The following TMEM181 variants were observed in gnomAD, a reference collection of about 807,000 sequenced individuals.
TMEM181 encodes the protein G protein-coupled receptor 178.
A neutral mutation model predicts 71.9 loss-of-function variants in TMEM181; 39 were observed. The observed-to-expected ratio is 0.54, with a 90% confidence interval of 0.42 to 0.71. TMEM181 has a LOEUF of 0.71. TMEM181 is among the 30% of genes least tolerant of loss of function. The pLI is 0.00. For missense variants in TMEM181, 595 were observed against 583.0 expected (o/e 1.02, Z -0.21); for synonymous variants, 245 against 228.8 (o/e 1.07, Z -0.64).
intron 10 of TMEM181, chr6:158,621,532 C>A: frequency 5.3e-6 from 1 of 187,978 alleles, no homozygotes. Flanking sequence ...AGCTGGCCAG[C>A]TGAGGGGGCC....
intron 9 of TMEM181, 27 bp downstream of exon 9, chr6:158,608,490 G>T: frequency 6.2e-7 from 1 of 1,614,050 alleles, no homozygotes; most frequent in African/African-American, 1.3e-5. Flanking sequence ...CTCACTGCCG[G>T]GGGAGGTTCC....
intron 1 of TMEM181, among the ~76,000 whole-genome samples, chr6:158,566,977 A>G (rs981372442): frequency 1.3e-5 from 2 of 152,298 alleles, no homozygotes; most frequent in Admixed American, 6.5e-5. Flanking sequence ...TTTCTAGGAA[A>G]CACATCTGTG....
intron 13 of TMEM181, chr6:158,626,290 T>C (rs1416712490): frequency 1.4e-5 from 6 of 424,452 alleles, no homozygotes; most frequent in Middle Eastern, 3.4e-4. Context: ...TGCTGGCCAG[T>C]TGGTAGAGGA....
intron 10 of TMEM181, among the ~76,000 whole-genome samples, chr6:158,612,153 T>G (rs762055574): frequency 4.6e-5 from 7 of 152,142 alleles, no homozygotes; most frequent in Non-Finnish European, 8.8e-5. Context: ...TGCCCAGCTG[T>G]GCCCAGCTGT....
chr6:158,585,306 A>G lies in TMEM181; in HGVS notation c.262A>G (p.Thr88Ala). 1.9e-6 allele frequency: 3 copies of G among 1,596,816 alleles called. No homozygotes were observed. Among genetic ancestry groups the G allele is most frequent in the Non-Finnish European group, 2.6e-6 (3 of 1,173,690 alleles). Residue 88 changes from threonine to alanine, a missense_variant and splice_region_variant, in exon 5 of 17, where the codon ACT becomes GCT. By Grantham distance (58) the Thr-to-Ala change is moderately conservative. Transcript: ENST00000684151. ...CACTGAATTTTTTTCTTTTGTAGAA[A>G]CTTCTATTAAGACAAGCTTTCCCAT... ...CVVELDQSKE[T>A]SIKTSFPMTV...
At chr6:158,605,978 A>G (rs750310434) in intron 7 of TMEM181, among the ~76,000 whole-genome samples, 17 of 152,340 alleles carry the variant, frequency 1.1e-4, no homozygotes, top group Admixed American at 3.3e-4. Context: ...TTCTGCCTGC[A>G]TCAGCTGCTT....
chr6:158,548,699 G>A lies in TMEM181; in HGVS notation c.131+11834G>A, dbSNP rs115996352. The stretch of plus-strand genomic sequence containing the variant: ...GCCAGCAAGCCCAGGGCAGTCATTT[G>A]TTCAACACACAGGGGCTTGGTGTCT... On this transcript the variant is annotated intron_variant, in intron 1 of 16. Transcript: ENST00000367090. 4.3e-3 allele frequency among the ~76,000 whole-genome samples: 650 copies of A among 152,336 alleles called. 9 individuals carry two copies. The highest frequency in any genetic ancestry group is 0.015 in the African/African-American group (623 of 41,576).
chr6:158,614,877 C>T (rs1373073294), intron 10 of TMEM181, among the ~76,000 whole-genome samples: 3 of 152,142 alleles, frequency 2.0e-5, no homozygotes, highest in African/African-American at 4.8e-5. Flanking sequence ...TTTCTTAATC[C>T]AGTCTATCAT....
rs1426744052 is a variant in TMEM181 at position 158,620,782 on chromosome 6, G to A, written c.897-2768G>A. On this transcript the variant is annotated intron_variant, in intron 10 of 16. Coordinates refer to ENST00000684151, the MANE Select transcript of TMEM181 (RefSeq NM_001376852.1). This position sits in a 1 kb window ranked among gnomAD's most constrained non-coding sequence, Gnocchi z 4.5. ...GCCGCTGCCCACTGCTTCCTGGGTT[G>A]CAAGAGAGCCTCTGTCCCCAACATC... is the stretch of plus-strand genomic sequence containing the variant. 2.0e-5 allele frequency among the ~76,000 whole-genome samples: 3 copies of A among 152,230 alleles called. No homozygotes were observed. The highest frequency in any genetic ancestry group is 4.4e-5 in the Non-Finnish European group (3 of 68,036).
intron 6 of TMEM181, among the ~76,000 whole-genome samples, chr6:158,594,388 T>C (rs1784283444): frequency 6.6e-6 from 1 of 152,100 alleles, no homozygotes; most frequent in African/African-American, 2.4e-5. Flanking sequence ...CGTGAGCCAC[T>C]GTGCCAGGCC....
chr6:158,581,092 CCCTTG>C, intron 3 of TMEM181, 97 bp downstream of exon 3: 3 of 1,206,436 alleles, frequency 2.5e-6, no homozygotes, highest in Admixed American at 2.0e-5. Context: ...AGGTAGCCTT[CCCTTG>C]CCTTGCGGCT....
At chr6:158,590,023 A>G (rs959041941) in intron 6 of TMEM181, among the ~76,000 whole-genome samples, 1 of 152,202 alleles carries the variant, frequency 6.6e-6, no homozygotes, top group Non-Finnish European at 1.5e-5. Flanking sequence ...GAGAGTATAT[A>G]GTGTGTTCAG....
rs541262720 is a variant in TMEM181, at chr6:158,536,918, C to T, written c.131+53C>T. The stretch of plus-strand genomic sequence containing the variant: ...CGGCCGGAGGCTTCCGGGCCGCAGT[C>T]CCCTCCGGGACCCCGGCGCGCCCCG... On this transcript the variant is annotated intron_variant, in intron 1 of 16. Transcript: ENST00000367090. The T allele has an allele frequency of 7.3e-6, 9 of 1,236,464 alleles. No individual in the cohort carries two copies. The East Asian group carries it at 1.2e-4, about 17-fold the overall frequency. 76.6% of individuals were successfully genotyped at this position (1,236,464 alleles called of 1,614,324 possible).
chr6:158,559,956 C>A, upstream of TMEM181: 1 of 700,128 alleles, frequency 1.4e-6, no homozygotes, highest in Non-Finnish European at 1.7e-6. Context: ...GGCCGTGGGG[C>A]TCCGCCCCGG....
At chr6:158,561,097 G>T (rs1321281303) in intron 1 of TMEM181, among the ~76,000 whole-genome samples, 1 of 152,196 alleles carries the variant, frequency 6.6e-6, no homozygotes, top group Non-Finnish European at 1.5e-5. Flanking sequence ...CCTCCGAGGG[G>T]CCTGGGCGCG....
rs189082337 is a variant in TMEM181 at position 158,599,441 on chromosome 6, A to G, written c.493-5826A>G. ...CTTGACGCAAAAGCTTGAGTGCCGA[A>G]TGACAGTGCTTCAGATTTCAAAAGG... On this transcript the variant is annotated intron_variant, in intron 6 of 16. Coordinates refer to ENST00000684151, the MANE Select transcript of TMEM181 (RefSeq NM_001376852.1). Among the ~76,000 whole-genome samples, 8 of 152,384 alleles carry G rather than the reference A, an allele frequency of 5.2e-5. No homozygotes were observed. In the East Asian group the frequency reaches 1.5e-3, roughly 29 times the overall value.
At chr6:158,583,906 A>T in intron 3 of TMEM181, 48 bp from the exon 4 acceptor site, 1 of 1,411,758 alleles carries the variant, frequency 7.1e-7, no homozygotes. Context: ...GGTATTTGGT[A>T]GACTCAATGA....
At chr6:158,551,150 C>T (rs958688553) in intron 1 of TMEM181, among the ~76,000 whole-genome samples, 5 of 151,832 alleles carry the variant, frequency 3.3e-5, no homozygotes, top group African/African-American at 4.8e-5. Flanking sequence ...TTAGTAGAGA[C>T]GGGGTTTCAC....
At chr6:158,626,944 A>C in intron 13 of TMEM181, among the ~76,000 whole-genome samples, 1 of 121,282 alleles carries the variant, frequency 8.2e-6, no homozygotes, top group African/African-American at 3.3e-5. Flanking sequence ...TCTCACCCTC[A>C]CCCTCACCCT....
Sources: allele counts gnomAD v4.1 joint callset (sites outside exome capture counted in the v4.1 genomes callset), GRCh38; gene constraint gnomAD v4.1.1; non-coding constraint Gnocchi (gnomAD v3.1); transcripts MANE v1.5; gene names NCBI Gene and HGNC (gene_info 2026-07-23, HGNC 2026-07-21).